ZMIZ1: variants seen among roughly 807,000 people sequenced by gnomAD.
The protein encoded by ZMIZ1 is zinc finger MIZ domain-containing protein 1.
In ZMIZ1, 17 loss-of-function variants were observed where a neutral mutation model predicts 113.9. That is an observed-to-expected ratio of 0.15 (90% CI 0.10 to 0.22). The LOEUF is 0.22. ZMIZ1 is among the 10% of genes least tolerant of loss of function. The pLI, the probability that ZMIZ1 is intolerant of heterozygous loss-of-function variation, is 1.00. For synonymous variants in ZMIZ1, 607 were observed against 603.1 expected (o/e 1.01, Z -0.09); for missense variants, 1,059 against 1,477.8 (o/e 0.72, Z 4.65).
intron 3 of ZMIZ1, among the ~76,000 whole-genome samples, chr10:79,141,490 C>G (rs1006521334): frequency 6.6e-6 from 1 of 152,084 alleles, no homozygotes; most frequent in Non-Finnish European, 1.5e-5. Flanking sequence ...TCACTGTAAC[C>G]TCGACCTCCC....
intron 1 of ZMIZ1, among the ~76,000 whole-genome samples, chr10:79,075,725 C>A (rs898227286): frequency 6.6e-6 from 1 of 152,258 alleles, no homozygotes; most frequent in Admixed American, 6.5e-5. Flanking sequence ...TCCTCCCCCA[C>A]CACTCTTAGC....
chr10:79,111,544 G>A (rs772448975), intron 1 of ZMIZ1, among the ~76,000 whole-genome samples: 1 of 152,154 alleles, frequency 6.6e-6, no homozygotes, highest in South Asian at 2.1e-4. Flanking sequence ...TGTGGGTGAC[G>A]GGGGAGGCGC....
chr10:79,074,485 G>C (rs1452058884), intron 1 of ZMIZ1, among the ~76,000 whole-genome samples: 1 of 152,176 alleles, frequency 6.6e-6, no homozygotes, highest in Non-Finnish European at 1.5e-5. Flanking sequence ...AGCTTGCTTC[G>C]AGACACAAAT....
chr10:79,119,867 G>T (rs59490521), intron 2 of ZMIZ1, among the ~76,000 whole-genome samples: 1 of 152,088 alleles, frequency 6.6e-6, no homozygotes, highest in African/African-American at 2.4e-5. Flanking sequence ...CTTTCCCTCC[G>T]CCCCTCAAGT....
chr10:79,220,240 A>G (rs531149738), intron 7 of ZMIZ1, among the ~76,000 whole-genome samples: 9 of 152,300 alleles, frequency 5.9e-5, no homozygotes, highest in African/African-American at 1.9e-4. Context: ...CTAATACCTG[A>G]CGCACACTGG....
intron 7 of ZMIZ1, among the ~76,000 whole-genome samples, chr10:79,221,836 G>A (rs1413971592): frequency 2.0e-5 from 3 of 152,370 alleles, no homozygotes; most frequent in East Asian, 3.9e-4. Context: ...AAGTCCTAGC[G>A]AGGCAGGGCC....
intron 7 of ZMIZ1, among the ~76,000 whole-genome samples, chr10:79,234,100 C>A (rs1589456650): frequency 6.6e-6 from 1 of 152,166 alleles, no homozygotes. Context: ...TCTTGACACC[C>A]CTGGGGAGCG....
intron 2 of ZMIZ1, among the ~76,000 whole-genome samples, chr10:79,120,936 G>A (rs1189731874): frequency 6.6e-6 from 1 of 152,114 alleles, no homozygotes; most frequent in South Asian, 2.1e-4. Flanking sequence ...GGAGTTGGGG[G>A]CCTGCAGTGC....
At chr10:79,079,715 A>G (rs1344764986) in intron 1 of ZMIZ1, among the ~76,000 whole-genome samples, 1 of 152,216 alleles carries the variant, frequency 6.6e-6, no homozygotes, top group African/African-American at 2.4e-5. Flanking sequence ...CTGTGAAGCC[A>G]TCCCATCTTG....
At chr10:79,073,713 G>C (rs1217012535) in intron 1 of ZMIZ1, among the ~76,000 whole-genome samples, 1 of 152,042 alleles carries the variant, frequency 6.6e-6, no homozygotes, top group Non-Finnish European at 1.5e-5. Flanking sequence ...GGTGCAGAAG[G>C]GGGAAGGGTC....
intron 6 of ZMIZ1, among the ~76,000 whole-genome samples, chr10:79,215,882 G>T (rs1339402708): frequency 6.6e-6 from 1 of 152,094 alleles, no homozygotes. Context: ...CTAAAATGTG[G>T]TCGAATCTGA....
At chr10:79,154,665 G>A (rs564681750) in intron 3 of ZMIZ1, among the ~76,000 whole-genome samples, 25 of 152,212 alleles carry the variant, frequency 1.6e-4, no homozygotes, top group Non-Finnish European at 3.2e-4. Context: ...TACCTGGCAC[G>A]GATTTTGCAC....
chr10:79,192,498 C>T (rs1847648756), intron 4 of ZMIZ1, among the ~76,000 whole-genome samples: 2 of 152,190 alleles, frequency 1.3e-5, no homozygotes, highest in Admixed American at 6.5e-5. Context: ...TCCACCCTTC[C>T]GGAAGCTTTG....
At chr10:79,117,668 G>C (rs1184208245) in intron 1 of ZMIZ1, among the ~76,000 whole-genome samples, 1 of 152,194 alleles carries the variant, frequency 6.6e-6, no homozygotes, top group Non-Finnish European at 1.5e-5. Flanking sequence ...AGAGGTCACA[G>C]GGTAAGAGAC....
intron 19 of ZMIZ1, 85 bp from the exon 20 acceptor site, chr10:79,305,079 G>T (rs1249964920): frequency 1.4e-6 from 2 of 1,464,546 alleles, no homozygotes; most frequent in Middle Eastern, 1.7e-4. Context: ...TCTCTGGTGG[G>T]GAAGTTATTC....
chr10:79,260,111 T>C (rs1045436946), intron 7 of ZMIZ1, among the ~76,000 whole-genome samples: 2 of 152,290 alleles, frequency 1.3e-5, no homozygotes, highest in African/African-American at 2.4e-5. Flanking sequence ...GGCGTGACAG[T>C]GAGTTTGAGT....
intron 1 of ZMIZ1, among the ~76,000 whole-genome samples, chr10:79,107,120 C>T (rs912621576): frequency 6.6e-6 from 1 of 152,270 alleles, no homozygotes; most frequent in Non-Finnish European, 1.5e-5. Context: ...GAGCAAGTGA[C>T]TGGCTTGCGG....
chr10:79,145,384 A>G (rs1223941440), intron 3 of ZMIZ1, among the ~76,000 whole-genome samples: 1 of 151,880 alleles, frequency 6.6e-6, no homozygotes, highest in Non-Finnish European at 1.5e-5. Flanking sequence ...GGGCCACCAG[A>G]GGAGCCCTGT....
Position 79,277,253 on chromosome 10 carries a change from A to G in ZMIZ1, c.353A>G (p.Asp118Gly). The change falls in exon 8 of 25, where the codon GAT becomes GGT. Residue 118 changes from aspartate to glycine, a missense_variant. Transcript: ENST00000334512. ...CGACATCAGAAGAGCCGCCAGAGCG[A>G]TCCCCCTGGGAAACTCCCCATGCAG... Reference protein sequence around the residue: ...LLRHQKSRQSDPPGKLPMQPP... With the variant: ...LLRHQKSRQSGPPGKLPMQPP... 2 of 1,591,302 alleles carry G rather than the reference A, an allele frequency of 1.3e-6. No homozygotes were observed. Among genetic ancestry groups the G allele is most frequent in the Non-Finnish European group, 1.7e-6 (2 of 1,169,256 alleles).
Sources: gnomAD v4.1 joint callset for allele counts (sites outside exome capture counted in the v4.1 genomes callset) on GRCh38, gnomAD v4.1.1 for gene constraint, MANE v1.5 for transcripts, NCBI Gene and HGNC (gene_info 2026-07-23, HGNC 2026-07-21) for gene names.